The following PCDH9 variants were observed in gnomAD, a reference collection of about 807,000 sequenced individuals.
The protein encoded by PCDH9 is protocadherin 9, also known as protocadherin-9.
A neutral mutation model predicts 70.6 loss-of-function variants in PCDH9; 24 were observed. That is an observed-to-expected ratio of 0.34 (90% CI 0.25 to 0.48). PCDH9 has a LOEUF of 0.48. PCDH9 is among the 20% of genes least tolerant of loss of function. PCDH9 has a pLI of 0.99. For synonymous variants in PCDH9, 562 were observed against 558.5 expected, an observed-to-expected ratio of 1.01 and a Z score of -0.09; for missense variants, 1,281 against 1,503.6, an observed-to-expected ratio of 0.85 and a Z score of 2.45.
intron 4 of PCDH9, among the ~76,000 whole-genome samples, chr13:66,550,687 C>G (rs1961444134): frequency 6.6e-6 from 1 of 152,148 alleles, no homozygotes; most frequent in Admixed American, 6.6e-5. Context: ...GAAAAATAAA[C>G]TTTCATCTTG....
chr13:66,721,191 T>C (rs1266637660), intron 3 of PCDH9, among the ~76,000 whole-genome samples: 1 of 152,164 alleles, frequency 6.6e-6, no homozygotes, highest in Non-Finnish European at 1.5e-5. Flanking sequence ...TTTGACTAAT[T>C]TGGGAATAAT....
At chr13:66,926,297 T>C (rs372878060) in intron 2 of PCDH9, among the ~76,000 whole-genome samples, 5 of 152,022 alleles carry the variant, frequency 3.3e-5, no homozygotes, top group African/African-American at 1.2e-4. Flanking sequence ...CAGTATCTTG[T>C]AGTAATTGCT....
At chr13:66,559,533 G>T (rs984658770) in intron 4 of PCDH9, among the ~76,000 whole-genome samples, 2 of 152,082 alleles carry the variant, frequency 1.3e-5, no homozygotes, top group Admixed American at 6.5e-5. Context: ...GGGCACAGTG[G>T]CTCACGCCTG....
chr13:66,313,698 C>T (rs1001952839), intron 4 of PCDH9, among the ~76,000 whole-genome samples: 2 of 152,066 alleles, frequency 1.3e-5, no homozygotes, highest in South Asian at 4.2e-4. Flanking sequence ...CATTTTCATG[C>T]CTGTGGTCTC....
At chr13:66,579,149 G>C (rs1380779754) in intron 4 of PCDH9, among the ~76,000 whole-genome samples, 2 of 151,986 alleles carry the variant, frequency 1.3e-5, no homozygotes, top group Non-Finnish European at 2.9e-5. Context: ...TAATTGCCTT[G>C]TCTGTAGTTT....
chr13:66,496,502 A>G (rs1197505416), intron 4 of PCDH9, among the ~76,000 whole-genome samples: 1 of 152,230 alleles, frequency 6.6e-6, no homozygotes, highest in Non-Finnish European at 1.5e-5. Context: ...CATGACATGT[A>G]TTTATAGCCC....
intron 4 of PCDH9, among the ~76,000 whole-genome samples, chr13:66,473,449 A>G (rs1212201521): frequency 6.6e-6 from 1 of 152,122 alleles, no homozygotes; most frequent in Non-Finnish European, 1.5e-5. Context: ...CCACTTAGTA[A>G]CATATGCTAG....
chr13:66,572,036 G>T (rs1236795843), intron 4 of PCDH9, among the ~76,000 whole-genome samples: 2 of 151,958 alleles, frequency 1.3e-5, no homozygotes, highest in Non-Finnish European at 2.9e-5. Context: ...TTTCGACTCA[G>T]AATTCTTGAA....
At chr13:67,004,495 T>C (rs1425999295) in intron 2 of PCDH9, among the ~76,000 whole-genome samples, 1 of 145,514 alleles carries the variant, frequency 6.9e-6, no homozygotes, top group East Asian at 2.0e-4. Context: ...AGGCAGAAGT[T>C]GCAGCGAGCC....
intron 2 of PCDH9, among the ~76,000 whole-genome samples, chr13:66,963,367 AC>A (rs1472990514): frequency 6.6e-6 from 1 of 152,190 alleles, no homozygotes; most frequent in East Asian, 1.9e-4. Context: ...GAGGCGCAAA[AC>A]ATTGCATAAA....
intron 2 of PCDH9, among the ~76,000 whole-genome samples, chr13:67,180,259 G>A (rs2088580661): frequency 6.6e-6 from 1 of 152,218 alleles, no homozygotes; most frequent in South Asian, 2.1e-4. Flanking sequence ...AGAATAGACT[G>A]GCTGCAGAGC....
At chr13:66,721,929 C>T (rs1039962131) in intron 3 of PCDH9, among the ~76,000 whole-genome samples, 1 of 152,204 alleles carries the variant, frequency 6.6e-6, no homozygotes, top group Non-Finnish European at 1.5e-5. Flanking sequence ...CAATTTATAA[C>T]TTCACTGTGG....
intron 2 of PCDH9, among the ~76,000 whole-genome samples, chr13:66,948,497 T>A: frequency 6.6e-6 from 1 of 151,772 alleles, no homozygotes; most frequent in Middle Eastern, 3.2e-3. Flanking sequence ...TTCATGCTTA[T>A]TTTTTTTCTT....
chr13:66,910,487 C>T (rs1198242431), intron 2 of PCDH9, among the ~76,000 whole-genome samples: 5 of 151,972 alleles, frequency 3.3e-5, no homozygotes, highest in East Asian at 1.9e-4. Flanking sequence ...GGAACCAGTA[C>T]GTTCCAAAAC....
chr13:66,752,576 C>T (rs1249704835), intron 3 of PCDH9, among the ~76,000 whole-genome samples: 1 of 152,212 alleles, frequency 6.6e-6, no homozygotes, highest in Non-Finnish European at 1.5e-5. Context: ...GGATTACAGG[C>T]ATGAGCCATG....
chr13:67,004,552 CA>C (rs34776193), intron 2 of PCDH9, among the ~76,000 whole-genome samples: 31,513 of 123,802 alleles, frequency 0.25, 3,700 homozygotes, highest in East Asian at 0.6. Context: ...GACTCCGTCT[CA>C]AAAAAAAAAA....
chr13:66,408,440 A>AT (rs1488237994), intron 4 of PCDH9, among the ~76,000 whole-genome samples: 4 of 152,222 alleles, frequency 2.6e-5, no homozygotes, highest in African/African-American at 9.6e-5. Context: ...CTGGATATAC[A>AT]TTTTCATAAA....
intron 2 of PCDH9, among the ~76,000 whole-genome samples, chr13:66,986,245 G>C (rs531086449): frequency 7.2e-4 from 109 of 152,020 alleles, no homozygotes; most frequent in Non-Finnish European, 1.4e-3. Context: ...AACAGCATGG[G>C]AGTAACTGGC....
chr13:67,145,393 C>T (rs2087498100), intron 2 of PCDH9, among the ~76,000 whole-genome samples: 1 of 151,904 alleles, frequency 6.6e-6, no homozygotes, highest in South Asian at 2.1e-4. Context: ...CTTTCTTTCT[C>T]ATACATGATG....
Sources: gnomAD v4.1 joint callset for allele counts (sites outside exome capture counted in the v4.1 genomes callset) on GRCh38, gnomAD v4.1.1 for gene constraint, MANE v1.5 for transcripts, NCBI Gene and HGNC (gene_info 2026-07-23, HGNC 2026-07-21) for gene names.